The following ARL9 variants were observed in gnomAD, a reference collection of about 807,000 sequenced individuals.
The protein encoded by ARL9 is ADP-ribosylation factor-like protein 9.
Under a neutral mutation model 27.0 loss-of-function variants are expected in ARL9, and 14 were observed. The observed-to-expected ratio is 0.52, with a 90% CI of 0.34 to 0.81. The LOEUF is 0.81. Ranked by LOEUF, ARL9 falls within the 30% of genes least tolerant of loss-of-function variation. The pLI, the probability that ARL9 is intolerant of heterozygous loss-of-function variation, is 0.01. For missense variants in ARL9, 294 were observed against 290.0 expected, an observed-to-expected ratio of 1.01 and a Z score of -0.10; for synonymous variants, 106 against 108.7, an observed-to-expected ratio of 0.98 and a Z score of 0.15.
Position 56,509,628 on chromosome 4 carries a change from A to T in ARL9, c.280-1557A>T, listed in dbSNP as rs1466655368. 4.9e-5 allele frequency among the ~76,000 whole-genome samples: 7 copies of T among 142,308 alleles called. No homozygotes were observed. In the East Asian group the frequency reaches 1.3e-3, roughly 26 times the overall value. The allele number at this position is 142,308 out of a possible 152,430, so 93.4% of individuals were successfully genotyped here. A position where few individuals can be genotyped will look rare whatever the true frequency, so the allele number is the denominator to read the frequency against. The stretch of plus-strand genomic sequence containing the variant: ...CGGCTCACTGCAACCTCCGCCTCCA[A>T]GGTTCAAGCAATTCTCCTGCCTCAG... On this transcript the variant is annotated intron_variant, in intron 1 of 3. Coordinates refer to ENST00000640821, the MANE Select transcript of ARL9 (RefSeq NM_001363794.2).
At chr4:56,513,560 C>A (rs1721694015) in intron 2 of ARL9, among the ~76,000 whole-genome samples, 1 of 151,998 alleles carries the variant, frequency 6.6e-6, no homozygotes, top group South Asian at 2.1e-4. Flanking sequence ...ACAAGTTAGA[C>A]AAATTTTCAA....
At chr4:56,514,365 G>A (rs987349424) in intron 2 of ARL9, among the ~76,000 whole-genome samples, 6 of 152,180 alleles carry the variant, frequency 3.9e-5, no homozygotes, top group Non-Finnish European at 7.4e-5. Context: ...CAATGAAATT[G>A]ATGAAGACAC....
chr4:56,516,277 C>G (rs1271687115), intron 2 of ARL9, among the ~76,000 whole-genome samples: 2 of 152,016 alleles, frequency 1.3e-5, no homozygotes, highest in African/African-American at 4.8e-5. Context: ...TATAGACTAT[C>G]CTTATGACTT....
At chr4:56,514,324 G>C (rs553528093) in intron 2 of ARL9, among the ~76,000 whole-genome samples, 1 of 152,230 alleles carries the variant, frequency 6.6e-6, no homozygotes, top group East Asian at 1.9e-4. Flanking sequence ...AACCAAAGAG[G>C]GTAGAGGGGG....
At chr4:56,522,420 C>CA (rs1259030575) in intron 3 of ARL9, among the ~76,000 whole-genome samples, 13 of 136,886 alleles carry the variant, frequency 9.5e-5, no homozygotes, top group African/African-American at 1.6e-4. Context: ...GATTCCGTCT[C>CA]AAAAAAAAAT....
chr4:56,506,164 C>A, intron 1 of ARL9, 23 bp downstream of exon 1: 3 of 1,233,168 alleles, frequency 2.4e-6, no homozygotes, highest in Non-Finnish European at 3.0e-6. Flanking sequence ...GTGCCCAGGA[C>A]CCCTTGCCCC....
At chr4:56,517,029 G>A (rs1721784932) in intron 2 of ARL9, among the ~76,000 whole-genome samples, 1 of 152,170 alleles carries the variant, frequency 6.6e-6, no homozygotes, top group African/African-American at 2.4e-5. Flanking sequence ...AACTTCTTTG[G>A]AAAACAATTT....
chr4:56,508,596 G>C (rs1412484411), intron 1 of ARL9, among the ~76,000 whole-genome samples: 1 of 152,178 alleles, frequency 6.6e-6, no homozygotes, highest in African/African-American at 2.4e-5. Context: ...ATGTTGGTCA[G>C]GCTGGTCTCG....
chr4:56,510,759 C>T (rs1349515311), intron 1 of ARL9, among the ~76,000 whole-genome samples: 5 of 147,380 alleles, frequency 3.4e-5, no homozygotes, highest in Non-Finnish European at 5.9e-5. Context: ...ATAAAATATT[C>T]GTGAAGTTTT....
At chr4:56,518,998 G>A (rs1578214028) in intron 3 of ARL9, 145 bp downstream of exon 3, 1 of 792,234 alleles carries the variant, frequency 1.3e-6, no homozygotes. Flanking sequence ...AACACCTTGA[G>A]GGTAGAGACT....
intron 2 of ARL9, among the ~76,000 whole-genome samples, chr4:56,516,282 T>C (rs1721764121): frequency 6.6e-6 from 1 of 152,140 alleles, no homozygotes; most frequent in African/African-American, 2.4e-5. Context: ...ACTATCCTTA[T>C]GACTTCAGGA....
At chr4:56,518,639 TTGTG>T in intron 2 of ARL9, 35 bp from the exon 3 acceptor site, 2 of 1,570,488 alleles carry the variant, frequency 1.3e-6, no homozygotes, top group Non-Finnish European at 1.7e-6. Flanking sequence ...TTCTGTGATT[TTGTG>T]TGTGTGTGTC....
In ARL9 at chr4:56,511,207, T is replaced by C. The variant is rs564099233; in HGVS notation, c.302T>C (p.Val101Ala). The C allele has an allele frequency of 1.9e-6, 3 of 1,602,652 alleles. No individual in the cohort carries two copies. The highest frequency in any genetic ancestry group is 2.6e-6 in the Non-Finnish European group (3 of 1,174,428). Reference protein sequence around the residue: ...EPLEKNKQILVLGLDGAGKTS... With the variant: ...EPLEKNKQILALGLDGAGKTS... Reference sequence around the variant, plus strand: ...CAGGAGAAAAACAAGCAAATCCTAGTGCTGGGCCTGGATGGAGCAGGAAAA... The same window carrying C: ...CAGGAGAAAAACAAGCAAATCCTAGCGCTGGGCCTGGATGGAGCAGGAAAA... Residue 101 changes from valine to alanine, a missense_variant, in exon 2 of 4, where the codon GTG (valine) becomes GCG (alanine). By Grantham distance (64) the Val-to-Ala change is moderately conservative (BLOSUM62 0). Transcript: ENST00000640821.
At chr4:56,515,110 CG>C (rs1387641514) in intron 2 of ARL9, among the ~76,000 whole-genome samples, 3 of 151,782 alleles carry the variant, frequency 2.0e-5, no homozygotes, top group African/African-American at 7.3e-5. Flanking sequence ...AAAAATTAGC[CG>C]GGCATGGTGG....
chr4:56,511,361 T>C lies in ARL9; in HGVS notation c.442+14T>C. On this transcript the variant is annotated intron_variant, in intron 2 of 3. Transcript: ENST00000640821. ...AGTTCCTGGAGAGTAAGCTCTCTGT[T>C]CCTTAGTTATAAGATAGCCACATTT... is the stretch of plus-strand genomic sequence containing the variant. 6.2e-7 allele frequency: 1 copy of C among 1,603,386 alleles called. No homozygotes were observed. The highest frequency in any genetic ancestry group is 1.3e-5 in the African/African-American group (1 of 74,736).
intron 1 of ARL9, among the ~76,000 whole-genome samples, chr4:56,508,548 G>A (rs1196426738): frequency 3.3e-5 from 5 of 152,046 alleles, no homozygotes; most frequent in African/African-American, 9.7e-5. Context: ...CACCACGCCC[G>A]GCTAATTTTG....
chr4:56,513,858 A>C (rs892469587), intron 2 of ARL9, among the ~76,000 whole-genome samples: 3 of 152,136 alleles, frequency 2.0e-5, no homozygotes, highest in African/African-American at 4.8e-5. Context: ...CAATATTCTC[A>C]TAAATTAAGA....
intron 1 of ARL9, 85 bp downstream of exon 1, chr4:56,506,226 G>GC (rs1553949175): frequency 8.3e-7 from 1 of 1,203,034 alleles, no homozygotes; most frequent in Non-Finnish European, 1.0e-6. Flanking sequence ...TACGTCGGAG[G>GC]CCCCCGACCG....
chr4:56,524,032 T>C lies in ARL9; in HGVS notation c.*156T>C. On this transcript the variant is annotated 3_prime_UTR_variant, in exon 4 of 4. Coordinates refer to ENST00000640821, the MANE Select transcript of ARL9 (RefSeq NM_001363794.2). ...ATAGTTAGCCCTCCATATCCATGGGTTCCACATCTGGGGATTCAAGAACTG... is the reference window on the plus strand; with the variant it reads ...ATAGTTAGCCCTCCATATCCATGGGCTCCACATCTGGGGATTCAAGAACTG... 1.8e-6 allele frequency: 1 copy of C among 571,092 alleles called. No individual in the cohort carries two copies. The allele number at this position is 571,092 out of a possible 1,614,324, so 35.4% of individuals were successfully genotyped here.
Sources: allele counts gnomAD v4.1 joint callset (sites outside exome capture counted in the v4.1 genomes callset), GRCh38; gene constraint gnomAD v4.1.1; transcripts MANE v1.5; gene names NCBI Gene and HGNC (gene_info 2026-07-23, HGNC 2026-07-21).